Variants in PPIL2 observed in about 807,000 individuals in gnomAD.
PPIL2 encodes the protein peptidylprolyl isomerase like 2.
Under a neutral mutation model 75.2 loss-of-function variants are expected in PPIL2, and 50 were observed. The ratio of observed to expected loss-of-function variants is 0.66; its 90% confidence interval spans 0.53 to 0.84. PPIL2 has a LOEUF of 0.84. Among genes scored for constraint, PPIL2 ranks in the 40% least tolerant of loss-of-function variants. The pLI is 0.00. For missense variants in PPIL2, 590 were observed against 685.0 expected (o/e 0.86, Z 1.55); for synonymous variants, 245 against 258.8 (o/e 0.95, Z 0.51).
chr22:21,677,929 C>T (rs1266465741), intron 6 of PPIL2, among the ~76,000 whole-genome samples: 5 of 152,220 alleles, frequency 3.3e-5, no homozygotes, highest in African/African-American at 4.8e-5. Context: ...GTGTGGGCAT[C>T]GGGGGAGTGC....
intron 9 of PPIL2, among the ~76,000 whole-genome samples, chr22:21,684,005 C>T (rs1254090970): frequency 2.0e-5 from 3 of 147,170 alleles, no homozygotes; most frequent in South Asian, 2.2e-4. Flanking sequence ...CTCAAGAGTT[C>T]GAGACCAGCC....
At chr22:21,694,380 C>CA (rs1260506417) in intron 16 of PPIL2, among the ~76,000 whole-genome samples, 2 of 151,592 alleles carry the variant, frequency 1.3e-5, no homozygotes, top group Non-Finnish European at 2.9e-5. Context: ...AAAAAAAAAA[C>CA]AAAAACAGAA....
At chr22:21,673,847 C>G (rs1044367195) in intron 5 of PPIL2, among the ~76,000 whole-genome samples, 3 of 152,120 alleles carry the variant, frequency 2.0e-5, no homozygotes, top group African/African-American at 7.2e-5. Context: ...TCAGGAGGAG[C>G]CTGTTGTGTT....
chr22:21,670,322 A>G (rs1191305244), intron 2 of PPIL2: 2 of 1,505,208 alleles, frequency 1.3e-6, no homozygotes, highest in Non-Finnish European at 1.8e-6. Context: ...CAAGACTACA[A>G]TAACAAGAGC....
At chr22:21,683,366 A>C (rs899783740) in intron 9 of PPIL2, 109 bp downstream of exon 9, 1 of 903,890 alleles carries the variant, frequency 1.1e-6, no homozygotes, top group African/African-American at 1.7e-5. Context: ...GTCCCAGCCC[A>C]GACAGGCCCT....
intron 2 of PPIL2, 96 bp downstream of exon 2, chr22:21,670,058 CACG>C: frequency 7.7e-7 from 1 of 1,294,620 alleles, no homozygotes; most frequent in East Asian, 2.3e-5. Context: ...ACAACAAGAA[CACG>C]GAAACTATGG....
intron 14 of PPIL2, 98 bp downstream of exon 14, chr22:21,688,204 A>T: frequency 3.4e-6 from 5 of 1,478,390 alleles, no homozygotes; most frequent in Non-Finnish European, 3.8e-6. Flanking sequence ...CAGACATGGA[A>T]TCTGCTAGAC....
intron 1 of PPIL2, among the ~76,000 whole-genome samples, chr22:21,668,488 G>T (rs944790135): frequency 6.6e-6 from 1 of 151,196 alleles, no homozygotes; most frequent in African/African-American, 2.4e-5. Context: ...AATCAGCTGG[G>T]CGTGGTGGCA....
At chr22:21,687,021 C>T (rs1192052402) in intron 12 of PPIL2, 23 bp downstream of exon 12, 5 of 1,595,122 alleles carry the variant, frequency 3.1e-6, no homozygotes, top group East Asian at 2.2e-5. Flanking sequence ...GCCAGCCACT[C>T]CCCATGCCCC....
chr22:21,695,535 G>A lies in PPIL2; in HGVS notation c.*45G>A. 2 of 1,558,710 alleles carry A rather than the reference G, an allele frequency of 1.3e-6. No homozygotes were observed. Among genetic ancestry groups the A allele is most frequent in the Non-Finnish European group, 1.7e-6 (2 of 1,151,010 alleles). On this transcript the variant is annotated 3_prime_UTR_variant, in exon 20 of 20. Transcript: ENST00000398831. ...GACCTTGGTGGGGTTGCAGGGCTGG[G>A]GGCCCATGTCCACATCTCCATTTCC... is the stretch of plus-strand genomic sequence containing the variant.
intron 14 of PPIL2, 65 bp downstream of exon 14, chr22:21,688,171 C>A: frequency 1.9e-6 from 3 of 1,597,038 alleles, no homozygotes; most frequent in Non-Finnish European, 2.6e-6. Context: ...GAGGGGGTAG[C>A]TGGGCAGGGG....
At chr22:21,674,038 G>A (rs1051253100) in intron 5 of PPIL2, among the ~76,000 whole-genome samples, 5 of 152,182 alleles carry the variant, frequency 3.3e-5, no homozygotes, top group Admixed American at 6.5e-5. Flanking sequence ...CAGGGCCCAC[G>A]GAGGGCGGGG....
At chr22:21,670,675 C>A in intron 3 of PPIL2, 64 bp downstream of exon 3, 1 of 1,508,328 alleles carries the variant, frequency 6.6e-7, no homozygotes, top group Middle Eastern at 1.7e-4. Context: ...GATAGTGAAT[C>A]TGCCCCTTGT....
chr22:21,692,348 G>C lies in PPIL2; in HGVS notation c.1140-1468G>C, dbSNP rs760098925. 4.8e-4 allele frequency among the ~76,000 whole-genome samples: 73 copies of C among 151,366 alleles called. 1 individual carries two copies. The highest frequency in any genetic ancestry group is 2.7e-4 in the Non-Finnish European group (18 of 67,838). On this transcript the variant is annotated intron_variant, in intron 15 of 19. Coordinates refer to ENST00000398831, the MANE Select transcript of PPIL2 (RefSeq NM_014337.4). ...TTTTTGTATTTTTAGTAGAGATGGGGTTTCACCGTGTTAGCGAGGATGGTC... is the reference window on the plus strand; with the variant it reads ...TTTTTGTATTTTTAGTAGAGATGGGCTTTCACCGTGTTAGCGAGGATGGTC...
In PPIL2 at chr22:21,692,378, T is replaced by A. The variant is rs572821756; in HGVS notation, c.1140-1438T>A. Among the ~76,000 whole-genome samples the A allele has an allele frequency of 2.6e-5, 4 of 151,356 alleles. No individual in the cohort carries two copies. In the South Asian group the frequency reaches 8.4e-4, roughly 32 times the overall value. ...ACCGTGTTAGCGAGGATGGTCTCGA[T>A]CTCCTGACCTTGTGATCCGCCCACC... On this transcript the variant is annotated intron_variant, in intron 15 of 19. Transcript: ENST00000398831.
intron 6 of PPIL2, among the ~76,000 whole-genome samples, chr22:21,679,011 C>T (rs948665010): frequency 6.6e-6 from 1 of 151,398 alleles, no homozygotes; most frequent in Admixed American, 6.6e-5. Flanking sequence ...ATTCTCCTGG[C>T]TCAGCCTCCC....
At chr22:21,692,399 C>A (rs1172561550) in intron 15 of PPIL2, among the ~76,000 whole-genome samples, 3 of 151,574 alleles carry the variant, frequency 2.0e-5, no homozygotes, top group Non-Finnish European at 4.4e-5. Flanking sequence ...TGTGATCCGC[C>A]CACCTTGGCC....
chr22:21,689,352 T>C (rs1356032923), intron 15 of PPIL2, among the ~76,000 whole-genome samples: 1 of 151,726 alleles, frequency 6.6e-6, no homozygotes, highest in East Asian at 1.9e-4. Context: ...GAGGTGCCCT[T>C]TCCATCCCCA....
intron 1 of PPIL2, among the ~76,000 whole-genome samples, chr22:21,668,443 G>A (rs980364711): frequency 2.0e-5 from 3 of 151,042 alleles, no homozygotes. Context: ...TGGCTAACAC[G>A]GTGAAACCCC....
Sources: gnomAD v4.1 joint callset for allele counts (sites outside exome capture counted in the v4.1 genomes callset) on GRCh38, gnomAD v4.1.1 for gene constraint, MANE v1.5 for transcripts, NCBI Gene and HGNC (gene_info 2026-07-23, HGNC 2026-07-21) for gene names.